FHIT: variants seen among roughly 807,000 people sequenced by gnomAD.
FHIT encodes the protein fragile histidine triad diadenosine triphosphatase.
In FHIT, 19 loss-of-function variants were observed where a neutral mutation model predicts 17.9. The ratio of observed to expected loss-of-function variants is 1.06; its 90% CI spans 0.74 to 1.56. The LOEUF is 1.56. Among genes scored for constraint, FHIT ranks in the 40% most tolerant of loss-of-function variants. The pLI, the probability that FHIT is intolerant of heterozygous loss-of-function variation, is 0.00. For missense variants in FHIT, 248 were observed against 189.2 expected, an observed-to-expected ratio of 1.31 and a Z score of -1.82; for synonymous variants, 81 against 69.7, an observed-to-expected ratio of 1.16 and a Z score of -0.81.
intron 3 of FHIT, among the ~76,000 whole-genome samples, chr3:60,895,209 T>C (rs1049922492): frequency 6.6e-5 from 10 of 152,164 alleles, no homozygotes; most frequent in Non-Finnish European, 1.3e-4. Flanking sequence ...GGTCTGACTG[T>C]TATATGAGGA....
At chr3:60,818,243 T>A (rs1048021815) in intron 4 of FHIT, among the ~76,000 whole-genome samples, 15 of 152,314 alleles carry the variant, frequency 9.8e-5, no homozygotes, top group Admixed American at 9.2e-4. Flanking sequence ...TGGTCTCAGA[T>A]AATTGCTTTT....
intron 5 of FHIT, among the ~76,000 whole-genome samples, chr3:60,233,485 G>A (rs1324505035): frequency 6.6e-6 from 1 of 151,884 alleles, no homozygotes; most frequent in Non-Finnish European, 1.5e-5. Context: ...CTCAGAGAGG[G>A]CCTCCTCCAC....
intron 5 of FHIT, among the ~76,000 whole-genome samples, chr3:60,157,246 G>A (rs991363162): frequency 6.6e-6 from 1 of 152,180 alleles, no homozygotes; most frequent in African/African-American, 2.4e-5. Flanking sequence ...AAAGACCACA[G>A]TGAATGATCG....
intron 4 of FHIT, among the ~76,000 whole-genome samples, chr3:60,815,118 G>A (rs1701693618): frequency 1.3e-5 from 2 of 151,806 alleles, no homozygotes; most frequent in South Asian, 4.1e-4. Flanking sequence ...AATCATTTAA[G>A]TTCCTTATAG....
At chr3:60,491,319 C>T (rs2034055715) in intron 5 of FHIT, among the ~76,000 whole-genome samples, 1 of 151,984 alleles carries the variant, frequency 6.6e-6, no homozygotes, top group African/African-American at 2.4e-5. Flanking sequence ...ATACTAGCAG[C>T]CCTATGAAAA....
At chr3:59,871,034 A>T (rs1327270849) in intron 8 of FHIT, among the ~76,000 whole-genome samples, 1 of 152,134 alleles carries the variant, frequency 6.6e-6, no homozygotes, top group African/African-American at 2.4e-5. Context: ...AAGGCCACCA[A>T]TTATATACTT....
intron 5 of FHIT, among the ~76,000 whole-genome samples, chr3:60,167,661 A>C (rs1576238600): frequency 6.6e-6 from 1 of 152,320 alleles, no homozygotes; most frequent in Middle Eastern, 3.4e-3. Context: ...CAGAAAATTC[A>C]TTTTTGTCCT....
chr3:59,781,312 C>T (rs144146989), intron 8 of FHIT, among the ~76,000 whole-genome samples: 130 of 152,294 alleles, frequency 8.5e-4, no homozygotes, highest in Non-Finnish European at 1.4e-3. Flanking sequence ...ACTTGACAGA[C>T]GGATGAGGCA....
intron 5 of FHIT, among the ~76,000 whole-genome samples, chr3:60,343,831 A>T (rs755106148): frequency 3.3e-5 from 5 of 152,172 alleles, no homozygotes; most frequent in Non-Finnish European, 7.3e-5. Context: ...TTTTTGACAG[A>T]AACTAACTTC....
intron 1 of FHIT, among the ~76,000 whole-genome samples, chr3:61,232,565 AG>A (rs2040133815): frequency 6.6e-6 from 1 of 152,162 alleles, no homozygotes; most frequent in African/African-American, 2.4e-5. Context: ...AATCAAAGAC[AG>A]GGGAGGACCA....
intron 3 of FHIT, among the ~76,000 whole-genome samples, chr3:60,944,292 G>A (rs1708550312): frequency 1.3e-5 from 2 of 151,696 alleles, no homozygotes; most frequent in Admixed American, 1.3e-4. Flanking sequence ...ATGACAACCT[G>A]ATAATTGAGC....
chr3:60,451,044 G>C (rs902242246), intron 5 of FHIT, among the ~76,000 whole-genome samples: 2 of 151,938 alleles, frequency 1.3e-5, no homozygotes, highest in East Asian at 3.9e-4. Flanking sequence ...GGAGTTCTTG[G>C]GCCAACGAAG....
chr3:61,028,490 C>A (rs1056626664), intron 3 of FHIT, among the ~76,000 whole-genome samples: 1 of 152,138 alleles, frequency 6.6e-6, no homozygotes, highest in African/African-American at 2.4e-5. Context: ...GGCAAGGAGG[C>A]AGGTTCCAGG....
intron 2 of FHIT, among the ~76,000 whole-genome samples, chr3:61,190,860 T>C (rs1299350086): frequency 6.9e-6 from 1 of 144,530 alleles, no homozygotes; most frequent in African/African-American, 2.6e-5. Flanking sequence ...ATGTTCTCAT[T>C]CATAGCTGGG....
rs1028968839 is a variant in FHIT at position 60,777,446 on chromosome 3, G to C, written c.-18+44473C>G. Reference sequence around the variant, plus strand: ...GGATCAATAGAAAGGAAATGTTCAGGTTAAGATAAAGGATTGTGGAGACCA... The same window carrying C: ...GGATCAATAGAAAGGAAATGTTCAGCTTAAGATAAAGGATTGTGGAGACCA... On this transcript the variant is annotated intron_variant, in intron 4 of 9. Coordinates refer to ENST00000492590, the MANE Select transcript of FHIT (RefSeq NM_002012.4). 2.6e-5 allele frequency among the ~76,000 whole-genome samples: 4 copies of C among 152,316 alleles called. No individual in the cohort carries two copies. The East Asian group carries it at 5.8e-4, about 22-fold the overall frequency.
chr3:60,766,141 A>G (rs1026940485), intron 4 of FHIT, among the ~76,000 whole-genome samples: 1 of 152,192 alleles, frequency 6.6e-6, no homozygotes, highest in Admixed American at 6.5e-5. Context: ...ATATATATAC[A>G]TACATATATC....
intron 4 of FHIT, among the ~76,000 whole-genome samples, chr3:60,675,814 C>T (rs2040610521): frequency 6.6e-6 from 1 of 152,302 alleles, no homozygotes; most frequent in African/African-American, 2.4e-5. Context: ...GCAATCACAG[C>T]AAATCAAATT....
Position 59,977,284 on chromosome 3 carries a change from C to A in FHIT, c.279+34087G>T, listed in dbSNP as rs565212276. The stretch of plus-strand genomic sequence containing the variant: ...CCAGACTCCAGCCTGCGGTTGCTTC[C>A]ATCTATCAAGGCCTCTTTTCAAGCT... On this transcript the variant is annotated intron_variant, in intron 7 of 9. Transcript: ENST00000492590. Among the ~76,000 whole-genome samples the A allele has an allele frequency of 4.6e-4, 70 of 152,182 alleles. No individual in the cohort carries two copies. In the South Asian group the frequency reaches 0.014, roughly 30 times the overall value.
chr3:60,021,799 A>AT (rs1393342238), intron 5 of FHIT, among the ~76,000 whole-genome samples: 2 of 152,220 alleles, frequency 1.3e-5, no homozygotes, highest in Admixed American at 1.3e-4. Flanking sequence ...TCTCAAGGTT[A>AT]TAAAAACCTC....
Sources: allele counts gnomAD v4.1 joint callset (sites outside exome capture counted in the v4.1 genomes callset), GRCh38; gene constraint gnomAD v4.1.1; transcripts MANE v1.5; gene names NCBI Gene and HGNC (gene_info 2026-07-23, HGNC 2026-07-21).